INSL6: variants seen among roughly 807,000 people sequenced by gnomAD.
INSL6 encodes the protein insulin like 6, also known as insulin-like peptide INSL6.
A neutral mutation model predicts 9.4 loss-of-function variants in INSL6; 16 were observed. That is an observed-to-expected ratio of 1.70 (90% confidence interval 1.15 to 2.59). INSL6 has a LOEUF of 2.59. Ranked by LOEUF, INSL6 falls within the 30% of genes most tolerant of loss-of-function variation. INSL6 has a pLI of 0.00. For synonymous variants in INSL6, 154 were observed against 96.9 expected, an observed-to-expected ratio of 1.59 and a Z score of -3.46; for missense variants, 391 against 257.3, an observed-to-expected ratio of 1.52 and a Z score of -3.56.
the INSL6 span, among the ~76,000 whole-genome samples, chr9:5,076,413 C>T: frequency 6.6e-6 from 1 of 152,154 alleles, no homozygotes; most frequent in Non-Finnish European, 1.5e-5. Flanking sequence ...CAGCCACCAC[C>T]ATGATCAGTC....
chr9:4,995,300 C>G, the INSL6 span, among the ~76,000 whole-genome samples: 1 of 152,096 alleles, frequency 6.6e-6, no homozygotes, highest in South Asian at 2.1e-4. Context: ...GTTGTTTTCC[C>G]TAGGTTGTCT....
chr9:5,088,322 A>G, the INSL6 span, among the ~76,000 whole-genome samples: 1 of 152,188 alleles, frequency 6.6e-6, no homozygotes, highest in Non-Finnish European at 1.5e-5. Flanking sequence ...AGGTTTTTTA[A>G]AAAACTGACT....
At chr9:5,129,876 A>T (rs1824227794) in intron 3 of INSL6, among the ~76,000 whole-genome samples, 1 of 152,158 alleles carries the variant, frequency 6.6e-6, no homozygotes, top group Non-Finnish European at 1.5e-5. Flanking sequence ...TGTATACCTA[A>T]ATATTAAAAT....
downstream of INSL6, among the ~76,000 whole-genome samples, chr9:5,161,606 GAAAC>G (rs1473207668): frequency 2.0e-5 from 3 of 152,126 alleles, no homozygotes; most frequent in Non-Finnish European, 4.4e-5. Flanking sequence ...ACAAGAGAAA[GAAAC>G]AAAGGACAAC....
chr9:5,122,099 G>C (rs1823664475), downstream of INSL6, among the ~76,000 whole-genome samples: 1 of 152,182 alleles, frequency 6.6e-6, no homozygotes, highest in African/African-American at 2.4e-5. Context: ...ATAAGACCTG[G>C]AGTAGGCAGG....
chr9:5,182,256 T>A (rs1223182035), intron 1 of INSL6, among the ~76,000 whole-genome samples: 1 of 152,122 alleles, frequency 6.6e-6, no homozygotes, highest in Non-Finnish European at 1.5e-5. Context: ...AATGTTCACA[T>A]AGCAACAATA....
the INSL6 span, chr9:5,098,440 A>C: frequency 6.6e-6 from 1 of 152,122 alleles, no homozygotes; most frequent in Non-Finnish European, 1.5e-5. Context: ...TATTTTCCTA[A>C]TTAGTTCCTG....
Position 5,185,337 on chromosome 9 carries a change from G to A in INSL6, c.266C>T (p.Ala89Val). The change falls in exon 1 of 2, where the codon GCC becomes GTC. Residue 89 changes from alanine to valine, a missense_variant. Coordinates refer to ENST00000381641, the MANE Select transcript of INSL6 (RefSeq NM_007179.3). ...ACCTGGGTTTGTGCCTCTTCCCCGG[G>A]CCGGGGAAGCGGTTTGCGGGCTTTC... Reference protein sequence around the residue: ...QFESPQTASPARGRGTNPVST... With the variant: ...QFESPQTASPVRGRGTNPVST... 6.2e-7 allele frequency: 1 copy of A among 1,614,108 alleles called. No individual in the cohort carries two copies. The highest frequency in any genetic ancestry group is 8.5e-7 in the Non-Finnish European group (1 of 1,179,996).
the INSL6 span, among the ~76,000 whole-genome samples, chr9:5,106,614 G>A: frequency 2.0e-5 from 3 of 152,106 alleles, no homozygotes; most frequent in Non-Finnish European, 4.4e-5. Context: ...TGTTTACTGT[G>A]GCACTATTCA....
the INSL6 span, among the ~76,000 whole-genome samples, chr9:5,016,083 C>G: frequency 6.6e-6 from 1 of 152,040 alleles, no homozygotes; most frequent in African/African-American, 2.4e-5. Context: ...CAGGATGTTA[C>G]TTTTACTGCC....
chr9:5,017,824 A>G, the INSL6 span, among the ~76,000 whole-genome samples: 1 of 152,210 alleles, frequency 6.6e-6, no homozygotes, highest in Non-Finnish European at 1.5e-5. Context: ...GTTTTGATAC[A>G]TTAGAAGTTC....
the INSL6 span, among the ~76,000 whole-genome samples, chr9:5,102,355 G>C: frequency 6.6e-6 from 1 of 152,076 alleles, no homozygotes; most frequent in African/African-American, 2.4e-5. Context: ...AGAGTAAAAA[G>C]CAACAAGATA....
At chr9:5,016,999 G>T in the INSL6 span, among the ~76,000 whole-genome samples, 5 of 152,156 alleles carry the variant, frequency 3.3e-5, no homozygotes, top group African/African-American at 1.2e-4. Context: ...AGATAAAGAA[G>T]AATCTACATC....
chr9:5,078,480 G>C, the INSL6 span: 15 of 1,550,874 alleles, frequency 9.7e-6, no homozygotes, highest in Non-Finnish European at 1.3e-5. Flanking sequence ...ATGTTACTAA[G>C]CTTTACTTGG....
intron 3 of INSL6, among the ~76,000 whole-genome samples, chr9:5,125,101 A>G (rs1401611211): frequency 3.3e-5 from 5 of 151,336 alleles, no homozygotes; most frequent in Admixed American, 1.3e-4. Flanking sequence ...TTAATATGGA[A>G]AAGTATGAAA....
the INSL6 span, among the ~76,000 whole-genome samples, chr9:5,045,084 T>G: frequency 6.6e-6 from 1 of 152,220 alleles, no homozygotes; most frequent in African/African-American, 2.4e-5. Flanking sequence ...TCATAATGCT[T>G]TCTTCTCTAT....
At chr9:5,064,921 C>T in the INSL6 span, 13 of 1,593,860 alleles carry the variant, frequency 8.2e-6, no homozygotes, top group South Asian at 4.6e-5. Context: ...CTTTGTCTTT[C>T]GTGTCATTAA....
At chr9:5,042,591 CAGGGCTGA>C in the INSL6 span, among the ~76,000 whole-genome samples, 1 of 152,154 alleles carries the variant, frequency 6.6e-6, no homozygotes, top group African/African-American at 2.4e-5. Flanking sequence ...TGGAGGCCCC[CAGGGCTGA>C]GGCCCAGCCA....
chr9:5,055,592 G>T, the INSL6 span: 2 of 1,135,430 alleles, frequency 1.8e-6, no homozygotes, highest in Non-Finnish European at 1.3e-6. Context: ...TGGAAAGAAT[G>T]TTGTCTTCTT....
Sources: gnomAD v4.1 joint callset for allele counts (sites outside exome capture counted in the v4.1 genomes callset) on GRCh38, gnomAD v4.1.1 for gene constraint, MANE v1.5 for transcripts, NCBI Gene and HGNC (gene_info 2026-07-23, HGNC 2026-07-21) for gene names.